The following NALF2 variants were observed in gnomAD, a reference collection of about 807,000 sequenced individuals.
NALF2 encodes the protein NALCN channel auxiliary factor 2, also known as bB57D9.1 (TED protein).
In NALF2, 1 loss-of-function variant was observed where a neutral mutation model predicts 24.8. The observed-to-expected ratio is 0.04, with a 90% CI of 0.01 to 0.19. NALF2 has a LOEUF of 0.19. Ranked by LOEUF, NALF2 falls within the 10% of genes least tolerant of loss-of-function variation. The pLI is 1.00. For missense variants in NALF2, 458 were observed against 409.6 expected (o/e 1.12, Z -1.02); for synonymous variants, 254 against 189.8 (o/e 1.34, Z -2.78).
chrX:69,507,788 C>G (rs1478930437), intron 1 of NALF2, among the ~76,000 whole-genome samples: 4 of 111,461 alleles, frequency 3.6e-5, no homozygotes, highest in African/African-American at 1.3e-4. Flanking sequence ...TCAAGGATGT[C>G]TGTTTTTTGT....
chrX:69,525,386 A>G (rs988096790), intron 1 of NALF2, among the ~76,000 whole-genome samples: 1 of 111,778 alleles, frequency 8.9e-6, no homozygotes, highest in Non-Finnish European at 1.9e-5. Flanking sequence ...GCCTATGGAC[A>G]GAGACTCATC....
chrX:69,508,800 A>T (rs1382121748), intron 1 of NALF2, among the ~76,000 whole-genome samples: 2 of 111,697 alleles, frequency 1.8e-5, no homozygotes, highest in Non-Finnish European at 3.8e-5. Context: ...CCCAAATGGG[A>T]TCCCTGCGAG....
At chrX:69,522,015 C>G (rs757869679) in intron 1 of NALF2, among the ~76,000 whole-genome samples, 1 of 111,855 alleles carries the variant, frequency 8.9e-6, no homozygotes, top group Non-Finnish European at 1.9e-5. Flanking sequence ...GGTAGCTGTT[C>G]CATATGGCAC....
intron 1 of NALF2, among the ~76,000 whole-genome samples, chrX:69,527,804 C>T (rs1211812259): frequency 1.8e-5 from 2 of 110,812 alleles, no homozygotes; most frequent in East Asian, 2.8e-4. Flanking sequence ...CTTGGCAGGT[C>T]GGGGGTGGAG....
At chrX:69,517,241 A>G (rs1472537829) in intron 1 of NALF2, among the ~76,000 whole-genome samples, 2 of 112,337 alleles carry the variant, frequency 1.8e-5, no homozygotes, top group Non-Finnish European at 3.8e-5. Flanking sequence ...GAACTAAAAA[A>G]TAGGGTCATT....
intron 1 of NALF2, among the ~76,000 whole-genome samples, chrX:69,516,051 T>C (rs964004624): frequency 8.9e-6 from 1 of 112,111 alleles, no homozygotes; most frequent in Non-Finnish European, 1.9e-5. Flanking sequence ...CTTTGTGTGG[T>C]AAAGCTTTGT....
chrX:69,505,185 G>C lies in NALF2; in HGVS notation c.-98G>C. The C allele has an allele frequency of 2.3e-6, 2 of 881,797 alleles. No individual in the cohort carries two copies. The highest frequency in any genetic ancestry group is 3.0e-6 in the Non-Finnish European group (2 of 663,616). 72.7% of individuals were successfully genotyped at this position (881,797 alleles called of 1,213,427 possible). On this transcript the variant is annotated 5_prime_UTR_variant, in exon 1 of 3. Coordinates refer to ENST00000252338, the MANE Select transcript of NALF2 (RefSeq NM_015686.3). ...GCAGCCCCCGAGGTAGAGCCTGGACGGCGCCGAGGAGCGCAGAGCGGCGCG... is the reference window on the plus strand; with the variant it reads ...GCAGCCCCCGAGGTAGAGCCTGGACCGCGCCGAGGAGCGCAGAGCGGCGCG...
At chrX:69,509,247 C>T (rs778823242) in intron 1 of NALF2, among the ~76,000 whole-genome samples, 5 of 110,978 alleles carry the variant, frequency 4.5e-5, no homozygotes, top group African/African-American at 1.3e-4. Context: ...TGCATCCCCA[C>T]AAGCCCTATT....
intron 1 of NALF2, among the ~76,000 whole-genome samples, chrX:69,508,824 C>T (rs1195728401): frequency 8.9e-6 from 1 of 112,189 alleles, no homozygotes; most frequent in East Asian, 2.8e-4. Context: ...ACGCCCCACC[C>T]TCAGAGCTTC....
intron 1 of NALF2, among the ~76,000 whole-genome samples, chrX:69,519,178 A>G (rs150263860): frequency 2.0e-3 from 220 of 112,232 alleles, no homozygotes; most frequent in African/African-American, 7.0e-3. Flanking sequence ...TGCTGATAAC[A>G]TTCCCAATTT....
chrX:69,526,262 C>A (rs927554141), intron 1 of NALF2, among the ~76,000 whole-genome samples: 2 of 111,686 alleles, frequency 1.8e-5, no homozygotes, highest in African/African-American at 6.5e-5. Flanking sequence ...GCCCATTTAC[C>A]TCATCTCTAC....
At chrX:69,515,116 T>C (rs1028651907) in intron 1 of NALF2, among the ~76,000 whole-genome samples, 5 of 112,336 alleles carry the variant, frequency 4.5e-5, no homozygotes, top group Admixed American at 9.4e-5. Context: ...TTCTTATTTA[T>C]CTACTTTGCT....
At chrX:69,517,216 T>G (rs950342333) in intron 1 of NALF2, among the ~76,000 whole-genome samples, 1 of 112,134 alleles carries the variant, frequency 8.9e-6, no homozygotes, top group Non-Finnish European at 1.9e-5. Flanking sequence ...TGGCATCTCA[T>G]TTTCCTCACC....
intron 1 of NALF2, among the ~76,000 whole-genome samples, chrX:69,511,609 G>A (rs967417570): frequency 8.1e-5 from 9 of 111,673 alleles, no homozygotes; most frequent in Non-Finnish European, 9.4e-5. Context: ...CCATAGCAAC[G>A]GGAACCTCCA....
At position 69,504,344 on chromosome X, in the gene NALF2, C is replaced by G. The variant is rs918695331; in HGVS notation, c.-939C>G. 3.6e-5 allele frequency among the ~76,000 whole-genome samples: 4 copies of G among 112,628 alleles called. No homozygotes were observed. The highest frequency in any genetic ancestry group is 1.3e-4 in the African/African-American group (4 of 31,051). Reference sequence around the variant, plus strand: ...CGGGGCACCAGTCCCGCTCCCTCCTCCTCTCCGTGCCTCTTTCTCCGCCCT... The same window carrying G: ...CGGGGCACCAGTCCCGCTCCCTCCTGCTCTCCGTGCCTCTTTCTCCGCCCT... On this transcript the variant is annotated 5_prime_UTR_variant, in exon 1 of 3. Transcript: ENST00000252338.
chrX:69,529,749 T>A lies in NALF2; in HGVS notation c.1212T>A (p.His404Gln), dbSNP rs1270747332. The change falls in exon 3 of 3, where the codon CAT becomes CAA. Residue 404 changes from histidine to glutamine, a missense_variant. His to Gln is a conservative substitution (Grantham distance 24). Coordinates refer to ENST00000252338, the MANE Select transcript of NALF2 (RefSeq NM_015686.3). ...YHQQYHHYHP[H>Q]HDPPGRVSNK... ...AACAGTACCATCACTACCACCCCCA[T>A]CATGATCCCCCAGGCCGTGTCAGCA... 8.3e-7 allele frequency: 1 copy of A among 1,210,859 alleles called. No individual in the cohort carries two copies. Among genetic ancestry groups the A allele is most frequent in the East Asian group, 3.0e-5 (1 of 33,805 alleles).
chrX:69,510,965 C>G (rs1320478099), intron 1 of NALF2, among the ~76,000 whole-genome samples: 1 of 110,093 alleles, frequency 9.1e-6, no homozygotes, highest in African/African-American at 3.3e-5. Flanking sequence ...CTGACCTGCC[C>G]CCACTCCAAC....
At chrX:69,510,025 C>T (rs766543081) in intron 1 of NALF2, among the ~76,000 whole-genome samples, 2 of 111,906 alleles carry the variant, frequency 1.8e-5, no homozygotes, top group African/African-American at 3.3e-5. Context: ...CAGTTTCTTC[C>T]TTTCAAAAAA....
chrX:69,523,059 C>T (rs1215987715), intron 1 of NALF2, among the ~76,000 whole-genome samples: 1 of 112,545 alleles, frequency 8.9e-6, no homozygotes, highest in Non-Finnish European at 1.9e-5. Flanking sequence ...ACAGGCTCTG[C>T]GGCTGCAGCT....
Sources: gnomAD v4.1 joint callset for allele counts (sites outside exome capture counted in the v4.1 genomes callset) on GRCh38, gnomAD v4.1.1 for gene constraint, MANE v1.5 for transcripts, NCBI Gene and HGNC (gene_info 2026-07-23, HGNC 2026-07-21) for gene names.